The following ERBB4 variants were observed in gnomAD, a reference collection of about 807,000 sequenced individuals.
The protein encoded by ERBB4 is receptor tyrosine-protein kinase erbB-4.
In ERBB4, 42 loss-of-function variants were observed where a neutral mutation model predicts 158.0. That is an observed-to-expected ratio of 0.27 (90% CI 0.21 to 0.34). The LOEUF (loss-of-function observed/expected upper bound fraction) is 0.34. Ranked by LOEUF, ERBB4 falls within the 10% of genes least tolerant of loss-of-function variation. The probability of loss-of-function intolerance (pLI) is 1.00; values close to 1 mark genes in which losing one functional copy is unlikely to be tolerated. For synonymous variants in ERBB4, 583 were observed against 558.7 expected (o/e 1.04, Z -0.61); for missense variants, 1,333 against 1,624.1 (o/e 0.82, Z 3.08).
chr2:212,056,767 T>G (rs917234923), intron 2 of ERBB4, among the ~76,000 whole-genome samples: 3 of 152,066 alleles, frequency 2.0e-5, no homozygotes, highest in Admixed American at 2.0e-4. Flanking sequence ...CTACAGGAGC[T>G]CTTGAAGGAA....
At chr2:212,307,439 A>C (rs978341378) in intron 1 of ERBB4, among the ~76,000 whole-genome samples, 1 of 151,218 alleles carries the variant, frequency 6.6e-6, no homozygotes, top group Non-Finnish European at 1.5e-5. Flanking sequence ...TGAATTGCAT[A>C]ATAAAATTAT....
chr2:212,108,565 A>G (rs902042600), intron 2 of ERBB4, among the ~76,000 whole-genome samples: 1 of 152,236 alleles, frequency 6.6e-6, no homozygotes, highest in African/African-American at 2.4e-5. Context: ...GATACAACCT[A>G]AATAAGGAAT....
Position 212,384,425 on chromosome 2 carries a change from A to G in ERBB4, c.82+154024T>C, listed in dbSNP as rs532917084. On this transcript the variant is annotated intron_variant, in intron 1 of 27. Transcript: ENST00000342788. ...CTTCTTGTGACGGAGAGAGTATATA[A>G]GAAAAGGGGCTCTTTGGCTGTCTAG... Among the ~76,000 whole-genome samples the G allele has an allele frequency of 2.0e-5, 3 of 151,738 alleles. No individual in the cohort carries two copies. The Admixed American group carries it at 2.0e-4, about 10-fold the overall frequency.
intron 1 of ERBB4, among the ~76,000 whole-genome samples, chr2:212,194,288 T>TTA (rs1402185641): frequency 5.5e-4 from 24 of 43,850 alleles, no homozygotes; most frequent in African/African-American, 1.8e-3. Context: ...TTTAAATAGT[T>TTA]TATACACACA....
intron 1 of ERBB4, among the ~76,000 whole-genome samples, chr2:212,138,092 T>C (rs1265631519): frequency 2.0e-5 from 3 of 152,186 alleles, no homozygotes; most frequent in African/African-American, 4.8e-5. Context: ...AATAATAGTA[T>C]ACAAATTTAG....
At chr2:212,061,029 A>C (rs890329071) in intron 2 of ERBB4, among the ~76,000 whole-genome samples, 1 of 151,850 alleles carries the variant, frequency 6.6e-6, no homozygotes, top group Non-Finnish European at 1.5e-5. Flanking sequence ...TGGAATAGAT[A>C]CTCTTAATTG....
chr2:211,935,802 A>T (rs2080306484), intron 3 of ERBB4, among the ~76,000 whole-genome samples: 1 of 152,166 alleles, frequency 6.6e-6, no homozygotes, highest in Non-Finnish European at 1.5e-5. Flanking sequence ...GAGACCCCTA[A>T]CTAATACACC....
chr2:211,702,206 A>C lies in ERBB4; in HGVS notation c.1290-40T>G, dbSNP rs149091548. 3.1e-4 allele frequency: 452 copies of C among 1,471,904 alleles called. 2 individuals are homozygous for C. Among genetic ancestry groups the C allele is most frequent in the Non-Finnish European group, 3.0e-4 (311 of 1,050,364 alleles). The allele number at this position is 1,471,904 out of a possible 1,614,324, so 91.2% of individuals were successfully genotyped here. ...GTGAGAAAACGGAACCATGAAACGC[A>C]TTCCGGAGTAAAATAAGGCTGTCAC... On this transcript the variant is annotated intron_variant, in intron 11 of 27. Transcript: ENST00000342788.
In ERBB4 at chr2:212,168,614, G is replaced by A. The variant is rs184362874; in HGVS notation, c.83-43711C>T. Among the ~76,000 whole-genome samples the A allele has an allele frequency of 2.0e-4, 31 of 152,194 alleles. No homozygotes were observed. The South Asian group carries it at 3.9e-3, about 19-fold the overall frequency. ...AGTACCCTGTGGAGGGAAAATTAAC[G>A]CAATAGATGAAGAAAAACAAAAACT... On this transcript the variant is annotated intron_variant, in intron 1 of 27. Coordinates refer to ENST00000342788, the MANE Select transcript of ERBB4 (RefSeq NM_005235.3).
chr2:212,455,438 C>T (rs1403985292), intron 1 of ERBB4, among the ~76,000 whole-genome samples: 1 of 152,124 alleles, frequency 6.6e-6, no homozygotes, highest in African/African-American at 2.4e-5. Context: ...TGAAAATATT[C>T]TCTCTGCATT....
intron 25 of ERBB4, among the ~76,000 whole-genome samples, chr2:211,417,013 G>A (rs574184722): frequency 5.3e-5 from 8 of 152,086 alleles, no homozygotes; most frequent in East Asian, 1.9e-4. Flanking sequence ...AATAGGTAAC[G>A]TGCATGCATA....
chr2:212,339,336 C>T (rs113660576), intron 1 of ERBB4, among the ~76,000 whole-genome samples: 8,792 of 152,230 alleles, frequency 0.058, 852 homozygotes, highest in African/African-American at 0.2. Flanking sequence ...CTGCAAAGGA[C>T]ATAATCTTGC....
At chr2:212,345,477 G>C (rs2088952316) in intron 1 of ERBB4, among the ~76,000 whole-genome samples, 2 of 151,986 alleles carry the variant, frequency 1.3e-5, no homozygotes, top group Non-Finnish European at 2.9e-5. Context: ...CAGATACATA[G>C]CTCTCTGATA....
At chr2:211,951,014 A>C (rs1343710624) in intron 2 of ERBB4, among the ~76,000 whole-genome samples, 1 of 152,172 alleles carries the variant, frequency 6.6e-6, no homozygotes, top group Admixed American at 6.6e-5. Flanking sequence ...TCATTATTAA[A>C]AAGTTTTCTT....
At chr2:212,158,562 TA>T (rs2081111750) in intron 1 of ERBB4, among the ~76,000 whole-genome samples, 1 of 152,080 alleles carries the variant, frequency 6.6e-6, no homozygotes, top group African/African-American at 2.4e-5. Flanking sequence ...CTCAAAAAGA[TA>T]ATCTTTTTGG....
chr2:212,267,879 C>T (rs1296224889), intron 1 of ERBB4, among the ~76,000 whole-genome samples: 1 of 151,642 alleles, frequency 6.6e-6, no homozygotes, highest in African/African-American at 2.4e-5. Context: ...ATTATATAGC[C>T]CAACAGCAAT....
chr2:211,663,050 TATC>T (rs1463282823), intron 15 of ERBB4, among the ~76,000 whole-genome samples: 2 of 152,168 alleles, frequency 1.3e-5, no homozygotes, highest in African/African-American at 4.8e-5. Flanking sequence ...CCCAGGAAAA[TATC>T]ATATCTCTAT....
At chr2:211,428,265 AAAG>A in intron 22 of ERBB4, 140 bp downstream of exon 22, 1 of 432,806 alleles carries the variant, frequency 2.3e-6, no homozygotes, top group Non-Finnish European at 4.3e-6. Context: ...TTGAGAAAGC[AAAG>A]AGTTAACTGC....
chr2:212,123,376 C>G (rs2079819177), intron 2 of ERBB4, among the ~76,000 whole-genome samples: 1 of 152,130 alleles, frequency 6.6e-6, no homozygotes, highest in African/African-American at 2.4e-5. Context: ...GCGCTCCAGC[C>G]AGGGCGACAG....
Sources: allele counts gnomAD v4.1 joint callset (sites outside exome capture counted in the v4.1 genomes callset), GRCh38; gene constraint gnomAD v4.1.1; transcripts MANE v1.5; gene names NCBI Gene and HGNC (gene_info 2026-07-23, HGNC 2026-07-21).